The following ERBB4 variants were observed in gnomAD, a reference collection of about 807,000 sequenced individuals.
ERBB4 encodes receptor tyrosine-protein kinase erbB-4.
A neutral mutation model predicts 158.0 loss-of-function variants in ERBB4; 42 were observed. The observed-to-expected ratio is 0.27, with a 90% CI of 0.21 to 0.34. ERBB4 has a LOEUF of 0.34. ERBB4 is among the 10% of genes least tolerant of loss of function. ERBB4 has a pLI of 1.00. For synonymous variants in ERBB4, 583 were observed against 558.7 expected, an observed-to-expected ratio of 1.04 and a Z score of -0.61; for missense variants, 1,333 against 1,624.1, an observed-to-expected ratio of 0.82 and a Z score of 3.08.
chr2:211,638,863 C>T (rs1213511118), intron 16 of ERBB4, among the ~76,000 whole-genome samples: 7 of 152,102 alleles, frequency 4.6e-5, no homozygotes, highest in Non-Finnish European at 8.8e-5. Flanking sequence ...GCAACATTTA[C>T]ACATATCTAT....
At chr2:211,513,470 T>C (rs999464397) in intron 20 of ERBB4, among the ~76,000 whole-genome samples, 2 of 152,010 alleles carry the variant, frequency 1.3e-5, no homozygotes, top group African/African-American at 4.8e-5. Context: ...AGACCTTTTG[T>C]TTAAGAATTC....
chr2:211,380,947 GA>G lies in ERBB4; in HGVS notation c.*2667del, dbSNP rs910580728. The G allele has an allele frequency of 2.1e-4, 46 of 222,244 alleles. No homozygotes were observed. The highest frequency in any genetic ancestry group is 3.2e-4 in the East Asian group (5 of 15,520). 13.8% of individuals were successfully genotyped at this position (222,244 alleles called of 1,614,324 possible). On this transcript the variant is annotated 3_prime_UTR_variant, in exon 28 of 28. Transcript: ENST00000342788. Reference sequence around the variant, plus strand: ...GAAACCATATGCATATTGTAAATCAGAAAAAAAAAATCAAGGTATAGTATCC... The same window carrying G: ...GAAACCATATGCATATTGTAAATCAGAAAAAAAAATCAAGGTATAGTATCC...
At chr2:211,563,249 C>T (rs116545631) in intron 19 of ERBB4, among the ~76,000 whole-genome samples, 62 of 151,810 alleles carry the variant, frequency 4.1e-4, no homozygotes, top group African/African-American at 1.3e-3. Context: ...TACTTTGTTA[C>T]GGCTTGATAT....
At chr2:211,898,193 G>A (rs2079149068) in intron 3 of ERBB4, among the ~76,000 whole-genome samples, 4 of 151,822 alleles carry the variant, frequency 2.6e-5, no homozygotes, top group African/African-American at 9.7e-5. Flanking sequence ...TTTTCCATTA[G>A]ACTAAATATG....
In ERBB4 at chr2:211,422,251, G is replaced by A. The variant is rs78168979; in HGVS notation, c.2867-147C>T. 989 of 670,114 alleles carry A rather than the reference G, an allele frequency of 1.5e-3. 12 individuals carry two copies. In the African/African-American group the frequency reaches 0.016, roughly 11 times the overall value. 41.5% of individuals were successfully genotyped at this position (670,114 alleles called of 1,614,324 possible). The stretch of plus-strand genomic sequence containing the variant: ...AAGAAAGCAAGCTAGTGAAAGAAAC[G>A]ACTCAATTGGTAAGGCTTTATCGGT... On this transcript the variant is annotated intron_variant, in intron 23 of 27. Transcript: ENST00000342788.
At chr2:212,100,395 C>A (rs918094122) in intron 2 of ERBB4, among the ~76,000 whole-genome samples, 1 of 152,134 alleles carries the variant, frequency 6.6e-6, no homozygotes. Context: ...TATCACTATA[C>A]CTGATACAAG....
chr2:211,622,095 A>G (rs1452610424), intron 18 of ERBB4, among the ~76,000 whole-genome samples: 1 of 152,248 alleles, frequency 6.6e-6, no homozygotes, highest in Non-Finnish European at 1.5e-5. Context: ...AATTTAAATA[A>G]TCAAGACTGC....
chr2:211,524,469 T>C (rs927512933), intron 20 of ERBB4, among the ~76,000 whole-genome samples: 1 of 150,432 alleles, frequency 6.6e-6, no homozygotes, highest in African/African-American at 2.5e-5. Context: ...CAGGAGCCCA[T>C]GGAGTGGGTG....
intron 1 of ERBB4, among the ~76,000 whole-genome samples, chr2:212,395,428 G>A (rs2090995654): frequency 6.6e-6 from 1 of 151,658 alleles, no homozygotes; most frequent in Non-Finnish European, 1.5e-5. Context: ...GAAAATAGAG[G>A]TGTGTCACGT....
chr2:211,576,321 T>C (rs2067891583), intron 19 of ERBB4, among the ~76,000 whole-genome samples: 1 of 152,064 alleles, frequency 6.6e-6, no homozygotes, highest in Non-Finnish European at 1.5e-5. Context: ...TCATAAAGAA[T>C]CTCTGCAAGA....
At chr2:212,427,120 T>C (rs1049158095) in intron 1 of ERBB4, among the ~76,000 whole-genome samples, 6 of 152,154 alleles carry the variant, frequency 3.9e-5, no homozygotes, top group African/African-American at 1.4e-4. Flanking sequence ...CCAGAATGCA[T>C]TATTGATATG....
chr2:212,167,484 G>A (rs147196095), intron 1 of ERBB4, among the ~76,000 whole-genome samples: 2,341 of 152,200 alleles, frequency 0.015, 61 homozygotes, highest in African/African-American at 0.054. Context: ...CTTTTACACT[G>A]TTGATGGGAA....
chr2:211,775,558 A>G (rs1275059254), intron 4 of ERBB4, among the ~76,000 whole-genome samples: 2 of 152,214 alleles, frequency 1.3e-5, no homozygotes, highest in African/African-American at 4.8e-5. Flanking sequence ...TTCTGGCCAT[A>G]AGCCAGATGC....
chr2:211,498,012 C>T (rs560659724), intron 20 of ERBB4, among the ~76,000 whole-genome samples: 3 of 152,134 alleles, frequency 2.0e-5, no homozygotes, highest in African/African-American at 4.8e-5. Flanking sequence ...ATCCATGGGT[C>T]GCTGCATTGT....
At chr2:212,176,078 A>C (rs1310716544) in intron 1 of ERBB4, among the ~76,000 whole-genome samples, 1 of 152,130 alleles carries the variant, frequency 6.6e-6, no homozygotes, top group South Asian at 2.1e-4. Flanking sequence ...AGTTTTACTA[A>C]GTTTAGAGTA....
At chr2:212,380,456 C>CTGTG (rs6147158) in intron 1 of ERBB4, among the ~76,000 whole-genome samples, 12,631 of 142,986 alleles carry the variant, frequency 0.088, 564 homozygotes, top group South Asian at 0.11. Context: ...AGGAATGACT[C>CTGTG]TGTGTGTGTG....
intron 3 of ERBB4, among the ~76,000 whole-genome samples, chr2:211,934,914 G>A (rs1006507619): frequency 8.3e-5 from 4 of 47,918 alleles, no homozygotes; most frequent in Admixed American, 2.0e-4. Flanking sequence ...ACTAAGCAAA[G>A]TCTCATTCAG....
intron 20 of ERBB4, among the ~76,000 whole-genome samples, chr2:211,544,812 T>A (rs2066900619): frequency 6.6e-6 from 1 of 152,042 alleles, no homozygotes; most frequent in South Asian, 2.1e-4. Context: ...TACTACAAGA[T>A]TGAACTTGTT....
chr2:212,304,580 A>C (rs768562919), intron 1 of ERBB4, among the ~76,000 whole-genome samples: 4 of 151,512 alleles, frequency 2.6e-5, no homozygotes, highest in Non-Finnish European at 5.9e-5. Context: ...AAATGTGCCA[A>C]GTTATTGAAA....
Sources: gnomAD v4.1 joint callset for allele counts (sites outside exome capture counted in the v4.1 genomes callset) on GRCh38, gnomAD v4.1.1 for gene constraint, MANE v1.5 for transcripts, NCBI Gene and HGNC (gene_info 2026-07-23, HGNC 2026-07-21) for gene names.